Variants in SNRNP200 observed in about 807,000 individuals in gnomAD.
The protein encoded by SNRNP200 is small nuclear ribonucleoprotein U5 subunit 200, also known as U5 small nuclear ribonucleoprotein 200 kDa helicase.
SNRNP200 carries 66 observed loss-of-function variants against 255.2 expected under a neutral mutation model. That is an observed-to-expected ratio of 0.26 (90% CI 0.21 to 0.32). The LOEUF (loss-of-function observed/expected upper bound fraction) is 0.32. Ranked by LOEUF, SNRNP200 falls within the 10% of genes least tolerant of loss-of-function variation. The pLI, the probability that SNRNP200 is intolerant of heterozygous loss-of-function variation, is 1.00. For missense variants in SNRNP200, 1,585 were observed against 2,749.8 expected (o/e 0.58, Z 9.47); for synonymous variants, 939 against 1,027.8 (o/e 0.91, Z 1.65).
chr2:96,287,637 T>G lies in SNRNP200; in HGVS notation c.3366-80A>C. The G allele has an allele frequency of 9.2e-7, 1 of 1,089,766 alleles. No homozygotes were observed. Among genetic ancestry groups the G allele is most frequent in the Non-Finnish European group, 1.4e-6 (1 of 702,056 alleles). 67.5% of individuals were successfully genotyped at this position (1,089,766 alleles called of 1,614,324 possible). ...ACCCACTTCATGGCTTCCAATAGTT[T>G]AGCAGTGACTACACAAAACACAGTC... On this transcript the variant is annotated intron_variant, in intron 25 of 44. Coordinates refer to ENST00000323853, the MANE Select transcript of SNRNP200 (RefSeq NM_014014.5). The surrounding 1 kb of genome is among the most constrained non-coding windows in gnomAD (Gnocchi z 5.7).
Position 96,301,705 on chromosome 2 carries a change from G to A in SNRNP200, c.393C>T (p.Ile131=). 1 of 1,614,092 alleles carries A rather than the reference G, an allele frequency of 6.2e-7. No homozygotes were observed. The highest frequency in any genetic ancestry group is 1.3e-5 in the African/African-American group (1 of 75,002). ...GAACTTCATCAGCTGCCCCACAAAG[G>A]ATATCACGTGGCTGGTGGCAAGAAA... The part of the protein sequence containing the change: ...QAALGDQPRD[I]LCGAADEVLA... The change falls in exon 4 of 45, where the codon ATC becomes ATT. Residue 131 remains isoleucine (I), a synonymous_variant. Transcript: ENST00000323853.
Position 96,286,491 on chromosome 2 carries a change from GA to G in SNRNP200, c.3830-8del. ...GGCAGCTGGGTCTCACAAGCTGCCA[GA>G]AAAGAAACAGGAAGGATATAAGCAC... On this transcript the variant is annotated splice_region_variant and splice_polypyrimidine_tract_variant and intron_variant, in intron 28 of 44. Coordinates refer to ENST00000323853, the MANE Select transcript of SNRNP200 (RefSeq NM_014014.5). This position sits in a 1 kb window ranked among gnomAD's most constrained non-coding sequence, Gnocchi z 4.8. The G allele has an allele frequency of 1.2e-6, 2 of 1,614,058 alleles. No homozygotes were observed. Among genetic ancestry groups the G allele is most frequent in the Non-Finnish European group, 1.7e-6 (2 of 1,180,024 alleles).
intron 11 of SNRNP200, 94 bp from the exon 12 acceptor site, chr2:96,297,164 T>C: frequency 6.3e-7 from 1 of 1,584,524 alleles, no homozygotes; most frequent in South Asian, 1.1e-5. Flanking sequence ...CCTGGCAATC[T>C]CTTTGCATAA....
chr2:96,278,556 T>C lies in SNRNP200; in HGVS notation c.5479A>G (p.Thr1827Ala). 6.2e-7 allele frequency: 1 copy of C among 1,613,594 alleles called. No individual in the cohort carries two copies. Among genetic ancestry groups the C allele is most frequent in the Non-Finnish European group, 8.5e-7 (1 of 1,179,936 alleles). The change falls in exon 38 of 45, where the codon ACC (threonine) becomes GCC (alanine). Residue 1827 changes from threonine to alanine, a missense_variant. By Grantham distance (58) the Thr-to-Ala change is moderately conservative. Around this residue, in one of 9 missense-constraint regions of SNRNP200, gnomAD observed 279 missense variants for 551.2 expected, o/e 0.51. Transcript: ENST00000323853. This position sits in a 1 kb window ranked among gnomAD's most constrained non-coding sequence, Gnocchi z 6.9. ...CCATGCCGGGCCTCACCAATGGTGG[T>C]GTAGTTGATGTAATAGTAGGCGGCG... ...MIAAYYYINY[T>A]TIELFSMSLN...
In SNRNP200 at chr2:96,279,392, G is replaced by A. The variant is rs1003911738; in HGVS notation, c.5133+59C>T. ...TACTGAAGACATCTATCAAAAGAAAGATTAAAGAATCCATTCTGAGGCTAC... is the reference window on the plus strand; with the variant it reads ...TACTGAAGACATCTATCAAAAGAAAAATTAAAGAATCCATTCTGAGGCTAC... On this transcript the variant is annotated intron_variant, in intron 36 of 44. Transcript: ENST00000323853. 138 of 1,078,384 alleles carry A rather than the reference G, an allele frequency of 1.3e-4. 1 individual carries two copies. The South Asian group carries it at 1.5e-3, about 11-fold the overall frequency. The allele number at this position is 1,078,384 out of a possible 1,614,324, so 66.8% of individuals were successfully genotyped here.
chr2:96,299,438 G>A lies in SNRNP200; in HGVS notation c.631-11C>T, dbSNP rs1259752271. 1 of 1,605,610 alleles carries A rather than the reference G, an allele frequency of 6.2e-7. No homozygotes were observed. Among genetic ancestry groups the A allele is most frequent in the South Asian group, 1.1e-5 (1 of 90,892 alleles). On this transcript the variant is annotated splice_polypyrimidine_tract_variant and intron_variant, in intron 5 of 44. Coordinates refer to ENST00000323853, the MANE Select transcript of SNRNP200 (RefSeq NM_014014.5). ...GTCTTCATCACCTTCCTGTGGAAAT[G>A]ACCCCAACTCAACCATGATCTGGAG...
rs1470225572 is a variant in SNRNP200, at chr2:96,298,323, G to A, written c.1080C>T (p.Leu360=). Residue 360 remains leucine (L), a synonymous_variant, in exon 9 of 45, where the codon CTC becomes CTT. Coordinates refer to ENST00000323853, the MANE Select transcript of SNRNP200 (RefSeq NM_014014.5). The stretch of plus-strand genomic sequence containing the variant: ...CCTTCTCGGTTTCATGAAGCTGGTA[G>A]AGGAACTTGGATAGCTCTGGGTCAG... ...MEADPELSKF[L]YQLHETEKED... 1 of 1,614,188 alleles carries A rather than the reference G, an allele frequency of 6.2e-7. No individual in the cohort carries two copies. The highest frequency in any genetic ancestry group is 8.5e-7 in the Non-Finnish European group (1 of 1,180,040).
chr2:96,284,022 G>T lies in SNRNP200; in HGVS notation c.4393-18C>A. The T allele has an allele frequency of 5.2e-6, 8 of 1,546,276 alleles. No individual in the cohort carries two copies. Among genetic ancestry groups the T allele is most frequent in the Admixed American group, 1.8e-5 (1 of 54,146 alleles). ...AAGACAGGCTGGAAAGAGGGAGGGAGGGAGGGTCACTGCAGGCCAAGGCTC... is the reference window on the plus strand; with the variant it reads ...AAGACAGGCTGGAAAGAGGGAGGGATGGAGGGTCACTGCAGGCCAAGGCTC... On this transcript the variant is annotated intron_variant, in intron 31 of 44. Transcript: ENST00000323853.
chr2:96,281,627 A>T, intron 35 of SNRNP200, 187 bp downstream of exon 35: 1 of 615,172 alleles, frequency 1.6e-6, no homozygotes, highest in Non-Finnish European at 3.0e-6. Flanking sequence ...AAGCACAATG[A>T]CTAAAAAGCA....
chr2:96,289,472 T>G (rs1343708860), intron 21 of SNRNP200, 93 bp from the exon 22 acceptor site: 2 of 1,427,712 alleles, frequency 1.4e-6, no homozygotes, highest in East Asian at 4.6e-5. Flanking sequence ...AGGTTTTTTG[T>G]ACTTTTTTTT....
chr2:96,286,969 AC>A lies in SNRNP200; in HGVS notation c.3639+36del. Reference sequence around the variant, plus strand: ...CTCGGCCCAGCAACGTAGACTGAGCACCTCCAATCCAGCACCTCTGCCCAGC... The same window carrying A: ...CTCGGCCCAGCAACGTAGACTGAGCACTCCAATCCAGCACCTCTGCCCAGC... On this transcript the variant is annotated intron_variant, in intron 27 of 44. Coordinates refer to ENST00000323853, the MANE Select transcript of SNRNP200 (RefSeq NM_014014.5). The surrounding 1 kb of genome is among the most constrained non-coding windows in gnomAD (Gnocchi z 4.8). 1 of 1,613,908 alleles carries A rather than the reference AC, an allele frequency of 6.2e-7. No homozygotes were observed. Among genetic ancestry groups the A allele is most frequent in the Non-Finnish European group, 8.5e-7 (1 of 1,179,906 alleles).
intron 34 of SNRNP200, chr2:96,282,915 A>C: frequency 1.9e-6 from 1 of 513,660 alleles, no homozygotes; most frequent in East Asian, 3.6e-5. Context: ...ACGGAGAATC[A>C]GCGGTCTGGT....
chr2:96,275,266 C>T lies in SNRNP200; in HGVS notation c.6258G>A (p.Gln2086=). 4 of 1,614,146 alleles carry T rather than the reference C, an allele frequency of 2.5e-6. No homozygotes were observed. The highest frequency in any genetic ancestry group is 3.4e-6 in the Non-Finnish European group (4 of 1,179,982). The change falls in exon 44 of 45, where the codon CAG becomes CAA. Residue 2086 remains glutamine (Q), a synonymous_variant. Transcript: ENST00000323853. The stretch of plus-strand genomic sequence containing the variant: ...CAGTGGACACACTCACCTTGGCCTT[C>T]TGCTGCAAGGTCAGCCTCTTGATGG... ...LISIKRLTLQ[Q]KAKVKLDFVA... is the part of the protein sequence containing the mutation.
chr2:96,297,380 G>A lies in SNRNP200; in HGVS notation c.1360C>T (p.Pro454Ser). The A allele has an allele frequency of 1.2e-6, 2 of 1,613,800 alleles. No homozygotes were observed. Among genetic ancestry groups the A allele is most frequent in the Non-Finnish European group, 1.7e-6 (2 of 1,180,014 alleles). ...EVHVPALKPK[P>S]FGSEEQLLPV... The stretch of plus-strand genomic sequence containing the variant: ...TCACTTACTTCTTCTGAGCCAAAGG[G>A]CTTGGGCTTCAGAGCAGGCACATGC... Residue 454 changes from proline (P) to serine (S), a missense_variant, in exon 11 of 45, where the codon CCC becomes TCC. Pro to Ser is a moderately conservative substitution (Grantham distance 74). Around this residue, in one of 9 missense-constraint regions of SNRNP200, gnomAD observed 383 missense variants for 645.3 expected, o/e 0.59. Transcript: ENST00000323853.
intron 13 of SNRNP200, 56 bp from the exon 14 acceptor site, chr2:96,295,714 CTT>C: frequency 6.3e-7 from 1 of 1,593,738 alleles, no homozygotes; most frequent in East Asian, 2.2e-5. Context: ...GGACACCATG[CTT>C]TCTGTTTGGG....
rs144383556 is a variant in SNRNP200, at chr2:96,304,358, G to A, written c.209+347C>T. ...CAAAATAGGTAGAACGTGGACAAGA[G>A]TAAATGGAAAAAGTAGGGGTAGGAA... On this transcript the variant is annotated intron_variant, in intron 2 of 44. Coordinates refer to ENST00000323853, the MANE Select transcript of SNRNP200 (RefSeq NM_014014.5). Among the ~76,000 whole-genome samples, 17 of 152,224 alleles carry A rather than the reference G, an allele frequency of 1.1e-4. No homozygotes were observed. The East Asian group carries it at 2.5e-3, about 22-fold the overall frequency.
Position 96,287,203 on chromosome 2 carries a change from T to C in SNRNP200, c.3485-43A>G, listed in dbSNP as rs980828551. 9 of 1,612,326 alleles carry C rather than the reference T, an allele frequency of 5.6e-6. No homozygotes were observed. The highest frequency in any genetic ancestry group is 7.6e-6 in the Non-Finnish European group (9 of 1,178,578). On this transcript the variant is annotated intron_variant, in intron 26 of 44. Coordinates refer to ENST00000323853, the MANE Select transcript of SNRNP200 (RefSeq NM_014014.5). The surrounding 1 kb of genome is among the most constrained non-coding windows in gnomAD (Gnocchi z 5.7). The stretch of plus-strand genomic sequence containing the variant: ...TACTGAGGCTGCAGCCCAGCCTGCC[T>C]ACTATACTGCAAACTGGGCCTGAGG...
Position 96,301,136 on chromosome 2 carries a change from A to T in SNRNP200, c.575-83T>A. On this transcript the variant is annotated intron_variant, in intron 4 of 44. Coordinates refer to ENST00000323853, the MANE Select transcript of SNRNP200 (RefSeq NM_014014.5). ...TCTGGAGCCAATGTCCTCCCCGACT[A>T]CCTCTCCTCAGGAAAGATCTAAGTG... is the stretch of plus-strand genomic sequence containing the variant. 3 of 1,139,934 alleles carry T rather than the reference A, an allele frequency of 2.6e-6. No homozygotes were observed. The Admixed American group carries it at 5.1e-5, about 19-fold the overall frequency. 70.6% of individuals were successfully genotyped at this position (1,139,934 alleles called of 1,614,324 possible).
rs2063880435 is a variant in SNRNP200, at chr2:96,290,940, C to G, written c.2422-125G>C. 1 of 1,060,528 alleles carries G rather than the reference C, an allele frequency of 9.4e-7. No individual in the cohort carries two copies. The highest frequency in any genetic ancestry group is 1.3e-5 in the South Asian group (1 of 75,896). 65.7% of individuals were successfully genotyped at this position (1,060,528 alleles called of 1,614,324 possible). A position where few individuals can be genotyped will look rare whatever the true frequency, so the allele number is the denominator to read the frequency against. ...ACTAGCCGGTAGGGCGCGTGGGGTC[C>G]CAGTACTTGTCAATGTGACACCAGA... On this transcript the variant is annotated intron_variant, in intron 18 of 44. Transcript: ENST00000323853. This position sits in a 1 kb window ranked among gnomAD's most constrained non-coding sequence, Gnocchi z 4.5.
Sources: allele counts gnomAD v4.1 joint callset (sites outside exome capture counted in the v4.1 genomes callset), GRCh38; gene constraint gnomAD v4.1.1; regional missense constraint gnomAD v4.1.1; non-coding constraint Gnocchi (gnomAD v3.1); transcripts MANE v1.5; gene names NCBI Gene and HGNC (gene_info 2026-07-23, HGNC 2026-07-21).